MEIOC: variants seen among roughly 807,000 people sequenced by gnomAD.
MEIOC encodes meiosis-specific coiled-coil domain-containing protein MEIOC.
MEIOC carries 9 observed loss-of-function variants against 85.3 expected under a neutral mutation model. The ratio of observed to expected loss-of-function variants is 0.11; its 90% CI spans 0.06 to 0.18. MEIOC has a LOEUF of 0.18. Among genes scored for constraint, MEIOC ranks in the 10% least tolerant of loss-of-function variants. The probability of loss-of-function intolerance (pLI) is 1.00; values close to 1 mark genes in which losing one functional copy is unlikely to be tolerated. For missense variants in MEIOC, 898 were observed against 1,129.4 expected, an observed-to-expected ratio of 0.80 and a Z score of 2.94; for synonymous variants, 365 against 393.7, an observed-to-expected ratio of 0.93 and a Z score of 0.86.
chr17:44,656,574 A>C lies in MEIOC; in HGVS notation c.-40A>C. ...GCCCCCCCCATCACCCCCGTACCCC[A>C]GGAGCTGTGCCTAGTCCAGGAGAGG... is the stretch of plus-strand genomic sequence containing the variant. On this transcript the variant is annotated 5_prime_UTR_variant, in exon 1 of 8. Transcript: ENST00000409122. The C allele has an allele frequency of 7.2e-7, 1 of 1,388,520 alleles. No individual in the cohort carries two copies. The allele number at this position is 1,388,520 out of a possible 1,614,324, so 86.0% of individuals were successfully genotyped here.
rs553658675 is a variant in MEIOC at position 44,675,025 on chromosome 17, A to C, written c.*829A>C. Reference sequence around the variant, plus strand: ...AACTGAAATAATGACTACTGTTTTAATACCCTTAGTTTGCTGCCTTTTATG... The same window carrying C: ...AACTGAAATAATGACTACTGTTTTACTACCCTTAGTTTGCTGCCTTTTATG... On this transcript the variant is annotated 3_prime_UTR_variant, in exon 8 of 8. Transcript: ENST00000409122. 1.4e-5 allele frequency: 14 copies of C among 985,148 alleles called. No homozygotes were observed. In the South Asian group the frequency reaches 6.1e-4, roughly 43 times the overall value. The allele number at this position is 985,148 out of a possible 1,614,324, so 61.0% of individuals were successfully genotyped here.
intron 2 of MEIOC, 70 bp downstream of exon 2, chr17:44,657,331 T>C: frequency 6.9e-7 from 1 of 1,453,124 alleles, no homozygotes; most frequent in Non-Finnish European, 9.4e-7. Flanking sequence ...CACCGATTCA[T>C]AGGTGTTTAA....
rs1274200184 is a variant in MEIOC, at chr17:44,666,440, G to T, written c.529G>T (p.Asp177Tyr). 6.4e-7 allele frequency: 1 copy of T among 1,556,884 alleles called. No individual in the cohort carries two copies. Among genetic ancestry groups the T allele is most frequent in the South Asian group, 1.2e-5 (1 of 84,516 alleles). Residue 177 changes from aspartate to tyrosine, a missense_variant, in exon 5 of 8, where the codon GAC (aspartate) becomes TAC (tyrosine). Physicochemically the swap from Asp to Tyr is radical, Grantham distance 160. This residue lies in a region of MEIOC where 734 missense variants were observed against 860.1 expected (regional missense o/e 0.85). Coordinates refer to ENST00000409122, the MANE Select transcript of MEIOC (RefSeq NM_001145080.3). ...CACAAGCAGATTTGCAGATCACCAT[G>T]ACCTCTTAACAGAAACCAAAAGGCC... ...MNTSRFADHH[D>Y]LLTETKRPID...
intron 3 of MEIOC, among the ~76,000 whole-genome samples, chr17:44,663,879 C>T (rs1290786294): frequency 2.0e-5 from 3 of 152,114 alleles, no homozygotes; most frequent in Non-Finnish European, 4.4e-5. Flanking sequence ...TTGCAAAATA[C>T]AAGTTTCTTA....
chr17:44,671,969 T>A (rs1005554581), intron 6 of MEIOC, among the ~76,000 whole-genome samples: 1 of 151,782 alleles, frequency 6.6e-6, no homozygotes, highest in African/African-American at 2.4e-5. Context: ...GAAAAAAAAA[T>A]ATTTTTTAAA....
rs753093008 is a variant in MEIOC, at chr17:44,667,268, G to C, written c.1357G>C (p.Glu453Gln). 1 of 1,613,646 alleles carries C rather than the reference G, an allele frequency of 6.2e-7. No individual in the cohort carries two copies. The highest frequency in any genetic ancestry group is 1.1e-5 in the South Asian group (1 of 91,060). ...TGCTAAACCTGATCCCCCACATTCT[G>C]AGTATTTTAAATCAGTGAATTTATT... Reference protein sequence around the residue: ...QFAKPDPPHSEYFKSVNLLSN... With the variant: ...QFAKPDPPHSQYFKSVNLLSN... Residue 453 changes from glutamate (E) to glutamine (Q), a missense_variant, in exon 5 of 8, where the codon GAG becomes CAG. Glu to Gln is a conservative substitution (Grantham distance 29). Transcript: ENST00000409122.
At position 44,667,647 on chromosome 17, in the gene MEIOC, A is replaced by G. The variant is rs1308828742; in HGVS notation, c.1736A>G (p.Asp579Gly). The change falls in exon 5 of 8, where the codon GAT becomes GGT. Residue 579 changes from aspartate to glycine, a missense_variant. Coordinates refer to ENST00000409122, the MANE Select transcript of MEIOC (RefSeq NM_001145080.3). The part of the protein sequence containing the change: ...GEENLFKLVT[D>G]KKIKQPNGFC... ...GAAAATCTCTTCAAATTGGTTACGG[A>G]TAAAAAAATAAAGCAGCCAAATGGA... is the stretch of plus-strand genomic sequence containing the variant. The G allele has an allele frequency of 6.2e-7, 1 of 1,612,554 alleles. No individual in the cohort carries two copies. The highest frequency in any genetic ancestry group is 1.1e-5 in the South Asian group (1 of 90,926).
intron 2 of MEIOC, among the ~76,000 whole-genome samples, chr17:44,657,515 C>T (rs1469482571): frequency 1.3e-5 from 2 of 151,350 alleles, no homozygotes; most frequent in East Asian, 3.9e-4. Context: ...TCCTGAGGCA[C>T]GCGCCACCAC....
chr17:44,671,483 G>A (rs1403477606), intron 6 of MEIOC, among the ~76,000 whole-genome samples: 1 of 151,626 alleles, frequency 6.6e-6, no homozygotes, highest in Non-Finnish European at 1.5e-5. Context: ...CTGGGAGGCA[G>A]AGGTTGCAGT....
At position 44,656,568 on chromosome 17, in the gene MEIOC, T is replaced by TA; in HGVS notation, c.-45dup. The TA allele has an allele frequency of 7.3e-7, 1 of 1,368,948 alleles. No homozygotes were observed. Among genetic ancestry groups the TA allele is most frequent in the South Asian group, 1.6e-5 (1 of 62,890 alleles). The allele number at this position is 1,368,948 out of a possible 1,614,324, so 84.8% of individuals were successfully genotyped here. On this transcript the variant is annotated 5_prime_UTR_variant, in exon 1 of 8. Transcript: ENST00000409122. ...CTGGACGCCCCCCCCATCACCCCCG[T>TA]ACCCCAGGAGCTGTGCCTAGTCCAG...
Position 44,667,023 on chromosome 17 carries a change from T to C in MEIOC, c.1112T>C (p.Leu371Ser). The C allele has an allele frequency of 6.2e-7, 1 of 1,613,810 alleles. No individual in the cohort carries two copies. Among genetic ancestry groups the C allele is most frequent in the Non-Finnish European group, 8.5e-7 (1 of 1,179,802 alleles). The change falls in exon 5 of 8, where the codon TTA becomes TCA. Residue 371 changes from leucine to serine, a missense_variant. Around this residue, in one of 2 missense-constraint regions of MEIOC, gnomAD observed 734 missense variants for 860.1 expected, o/e 0.85. Coordinates refer to ENST00000409122, the MANE Select transcript of MEIOC (RefSeq NM_001145080.3). Reference protein sequence around the residue: ...PTVEADTYTKLFQVKPANQKK... With the variant: ...PTVEADTYTKSFQVKPANQKK... ...GTAGAAGCAGACACCTACACAAAGTTATTTCAGGTTAAGCCAGCGAATCAG... is the reference window on the plus strand; with the variant it reads ...GTAGAAGCAGACACCTACACAAAGTCATTTCAGGTTAAGCCAGCGAATCAG...
chr17:44,669,409 T>A lies in MEIOC; in HGVS notation c.2349T>A (p.Tyr783Ter). The stretch of plus-strand genomic sequence containing the variant: ...CTGAATTAGCCCTTGCCAAGAATTA[T>A]CCTGGAAAAAAAGTATCCAGTACTA... ...KKTELALAKN[Y>*]PGKKVSSTNN... Residue 783 changes from tyrosine to a stop codon, truncating the protein, a stop_gained, in exon 6 of 8, where the codon TAT (tyrosine) becomes TAA (stop). Coordinates refer to ENST00000409122, the MANE Select transcript of MEIOC (RefSeq NM_001145080.3). LOFTEE classifies it high-confidence loss of function. 6.4e-7 allele frequency: 1 copy of A among 1,573,366 alleles called. No homozygotes were observed. The highest frequency in any genetic ancestry group is 8.6e-7 in the Non-Finnish European group (1 of 1,158,134).
rs967732210 is a variant in MEIOC at position 44,667,668 on chromosome 17, A to G, written c.1757A>G (p.Asn586Ser). 6.2e-7 allele frequency: 1 copy of G among 1,612,836 alleles called. No individual in the cohort carries two copies. The highest frequency in any genetic ancestry group is 1.3e-5 in the African/African-American group (1 of 74,898). The stretch of plus-strand genomic sequence containing the variant: ...ACGGATAAAAAAATAAAGCAGCCAA[A>G]TGGATTTTGTGATAACTATTCAGCT... ...LVTDKKIKQPNGFCDNYSAQK... is the reference protein window; with the variant it reads ...LVTDKKIKQPSGFCDNYSAQK... Residue 586 changes from asparagine to serine, a missense_variant, in exon 5 of 8, where the codon AAT becomes AGT. Physicochemically the swap from Asn to Ser is conservative, Grantham distance 46 (BLOSUM62 1). Around this residue, in one of 2 missense-constraint regions of MEIOC, gnomAD observed 734 missense variants for 860.1 expected, o/e 0.85. Coordinates refer to ENST00000409122, the MANE Select transcript of MEIOC (RefSeq NM_001145080.3).
intron 6 of MEIOC, 72 bp downstream of exon 6, chr17:44,669,589 G>A (rs1971969290): frequency 1.4e-6 from 2 of 1,465,610 alleles, no homozygotes; most frequent in Non-Finnish European, 1.9e-6. Flanking sequence ...GCCAGGCGTG[G>A]TGGCTCACTC....
chr17:44,670,275 A>AAG (rs1555667709), intron 6 of MEIOC: 1 of 149,842 alleles, frequency 6.7e-6, no homozygotes, highest in East Asian at 1.9e-4. Context: ...AAAAAAAAAA[A>AAG]AAAGAAAAAA....
chr17:44,663,059 C>T (rs1417364745), intron 3 of MEIOC, among the ~76,000 whole-genome samples: 14 of 152,188 alleles, frequency 9.2e-5, no homozygotes, highest in Admixed American at 1.3e-4. Context: ...TGAGTTAAAA[C>T]TTTTAGATGT....
chr17:44,656,994 C>G, intron 1 of MEIOC, 133 bp from the exon 2 acceptor site: 1 of 1,057,218 alleles, frequency 9.5e-7, no homozygotes, highest in Non-Finnish European at 1.3e-6. Flanking sequence ...AAGCGCGGGC[C>G]CCCACATTCG....
chr17:44,669,501 T>C lies in MEIOC; in HGVS notation c.2441T>C (p.Leu814Pro). ...GTTGATCGCTTAATTGTGGATGAAC[T>C]TCGAGAACTAGCCAGAGTAAGCTGT... ...SRVDRLIVDELRELARVVTLL... is the reference protein window; with the variant it reads ...SRVDRLIVDEPRELARVVTLL... Residue 814 changes from leucine to proline, a missense_variant, in exon 6 of 8, where the codon CTT (leucine) becomes CCT (proline). By Grantham distance (98) the Leu-to-Pro change is moderately conservative. This residue lies in a region of MEIOC where 164 missense variants were observed against 269.2 expected (regional missense o/e 0.61). Transcript: ENST00000409122. The C allele has an allele frequency of 6.4e-7, 1 of 1,552,800 alleles. No homozygotes were observed. Among genetic ancestry groups the C allele is most frequent in the Non-Finnish European group, 8.7e-7 (1 of 1,147,506 alleles).
intron 5 of MEIOC, 76 bp downstream of exon 5, chr17:44,668,309 T>C: frequency 7.8e-7 from 1 of 1,284,668 alleles, no homozygotes; most frequent in Non-Finnish European, 1.1e-6. Flanking sequence ...CTTAGTGTAG[T>C]GTAAGAGTAC....
Sources: gnomAD v4.1 joint callset for allele counts (sites outside exome capture counted in the v4.1 genomes callset) on GRCh38, gnomAD v4.1.1 for gene constraint, gnomAD v4.1.1 regional missense constraint, MANE v1.5 for transcripts, NCBI Gene and HGNC (gene_info 2026-07-23, HGNC 2026-07-21) for gene names.